MYRFL: variants seen among roughly 807,000 people sequenced by gnomAD.
The protein encoded by MYRFL is myelin regulatory factor-like protein.
A neutral mutation model predicts 109.4 loss-of-function variants in MYRFL; 88 were observed. That is an observed-to-expected ratio of 0.80 (90% CI 0.68 to 0.96). MYRFL has a LOEUF of 0.96. Among genes scored for constraint, MYRFL ranks in the 40% least tolerant of loss-of-function variants. The pLI is 0.00. For synonymous variants in MYRFL, 324 were observed against 320.9 expected (o/e 1.01, Z -0.10); for missense variants, 957 against 954.9 (o/e 1.00, Z -0.03).
chr12:69,911,116 A>T (rs1406184429), intron 13 of MYRFL, among the ~76,000 whole-genome samples, 186 bp downstream of exon 13: 1 of 152,236 alleles, frequency 6.6e-6, no homozygotes, highest in Admixed American at 6.5e-5. Flanking sequence ...CATAAGCACC[A>T]AAAAGAAGTT....
intron 16 of MYRFL, among the ~76,000 whole-genome samples, chr12:69,935,198 T>TTG (rs1555258028): frequency 2.2e-4 from 34 of 151,982 alleles, no homozygotes; most frequent in African/African-American, 7.2e-4. Flanking sequence ...CAGTTTTTTT[T>TTG]TGTGTATCCT....
intron 2 of MYRFL, among the ~76,000 whole-genome samples, chr12:69,877,249 T>A (rs1402945854): frequency 6.6e-6 from 1 of 151,936 alleles, no homozygotes; most frequent in Non-Finnish European, 1.5e-5. Context: ...GCCCTCGATC[T>A]CCTGACCTCG....
chr12:69,860,779 G>A (rs1318238740), intron 2 of MYRFL, among the ~76,000 whole-genome samples: 2 of 151,184 alleles, frequency 1.3e-5, no homozygotes, highest in Non-Finnish European at 2.9e-5. Flanking sequence ...TAGGGCACAT[G>A]TGCACAATGT....
intron 19 of MYRFL, among the ~76,000 whole-genome samples, chr12:69,940,076 C>T (rs10879059): frequency 0.2 from 29,228 of 149,382 alleles, 3,442 homozygotes; most frequent in East Asian, 0.46. Flanking sequence ...CTACGTCTGA[C>T]TGGTGTACCT....
intron 6 of MYRFL, among the ~76,000 whole-genome samples, chr12:69,889,114 A>G (rs1886635668): frequency 6.6e-6 from 1 of 152,048 alleles, no homozygotes; most frequent in African/African-American, 2.4e-5. Flanking sequence ...TGTGTTATTC[A>G]TTATAATAGC....
At chr12:69,844,766 A>T (rs548343222) in intron 1 of MYRFL, among the ~76,000 whole-genome samples, 1 of 152,182 alleles carries the variant, frequency 6.6e-6, no homozygotes, top group Non-Finnish European at 1.5e-5. Flanking sequence ...ATAAGATCAC[A>T]TAAGCAAAGT....
intron 1 of MYRFL, among the ~76,000 whole-genome samples, chr12:69,845,237 C>G (rs56919118): frequency 0.015 from 2,352 of 152,238 alleles, 54 homozygotes; most frequent in African/African-American, 0.051. Context: ...CCTCCTTTCC[C>G]TCCCTTAGAA....
rs151210389 is a variant in MYRFL at position 69,910,615 on chromosome 12, C to G, written c.1493-206C>G. Among the ~76,000 whole-genome samples the G allele has an allele frequency of 1.2e-3, 175 of 148,642 alleles. 1 individual carries two copies. The highest frequency in any genetic ancestry group is 4.2e-3 in the African/African-American group (169 of 39,956). On this transcript the variant is annotated intron_variant, in intron 12 of 24. Transcript: ENST00000552032. ...GGGATTTTAAGGCACTTACCTCCCC[C>G]CTGTTGGCCCAGAGTCTCAAAAAAA...
At chr12:69,866,417 T>C (rs1885020043) in intron 2 of MYRFL, among the ~76,000 whole-genome samples, 3 of 152,178 alleles carry the variant, frequency 2.0e-5, no homozygotes, top group Admixed American at 2.0e-4. Context: ...ATTAGATCTG[T>C]ACAACCTGTT....
At chr12:69,940,501 C>A (rs1245540080) in intron 19 of MYRFL, among the ~76,000 whole-genome samples, 1 of 150,092 alleles carries the variant, frequency 6.7e-6, no homozygotes, top group East Asian at 2.0e-4. Context: ...CAAGCAAATG[C>A]TGAGAGATTT....
Position 69,893,837 on chromosome 12 carries a change from TTAAG to T in MYRFL, c.980+2_980+5del, listed in dbSNP as rs1887057341. 2.2e-6 allele frequency: 3 copies of T among 1,351,402 alleles called. No individual in the cohort carries two copies. Among genetic ancestry groups the T allele is most frequent in the Non-Finnish European group, 2.9e-6 (3 of 1,049,324 alleles). 83.7% of individuals were successfully genotyped at this position (1,351,402 alleles called of 1,614,324 possible). A position where few individuals can be genotyped will look rare whatever the true frequency, so the allele number is the denominator to read the frequency against. ...AGGAGCAAAAAGATTTTCAATCCTG[TTAAG>T]TAAGAATTTATTTTCTGAATTCCTT... On this transcript the variant is annotated splice_donor_variant and coding_sequence_variant, in exon 8 of 25. Transcript: ENST00000552032. LOFTEE classifies it high-confidence loss of function.
At chr12:69,850,346 A>G (rs1228483287) in intron 1 of MYRFL, among the ~76,000 whole-genome samples, 2 of 151,922 alleles carry the variant, frequency 1.3e-5, no homozygotes, top group African/African-American at 2.4e-5. Flanking sequence ...TATATGCACT[A>G]TTTTAATAAA....
chr12:69,926,295 A>G (rs1421289305), intron 13 of MYRFL, among the ~76,000 whole-genome samples: 1 of 152,062 alleles, frequency 6.6e-6, no homozygotes, highest in Non-Finnish European at 1.5e-5. Flanking sequence ...TCAATTCCAG[A>G]TTTGCCAATG....
chr12:69,846,696 C>T (rs566822032), intron 1 of MYRFL, among the ~76,000 whole-genome samples: 36 of 152,258 alleles, frequency 2.4e-4, no homozygotes, highest in Non-Finnish European at 3.1e-4. Flanking sequence ...GATTTATGGT[C>T]CTTTGGGTAT....
intron 14 of MYRFL, 58 bp downstream of exon 14, chr12:69,926,792 C>T: frequency 1.9e-5 from 25 of 1,307,772 alleles, no homozygotes; most frequent in Non-Finnish European, 2.4e-5. Flanking sequence ...GAGCTCTTTC[C>T]AGAATAAGAT....
At chr12:69,920,988 T>C (rs1388479513) in intron 13 of MYRFL, among the ~76,000 whole-genome samples, 1 of 152,196 alleles carries the variant, frequency 6.6e-6, no homozygotes, top group Non-Finnish European at 1.5e-5. Flanking sequence ...CACAATCTCA[T>C]TAGAAAATTT....
At chr12:69,918,225 G>T (rs1954809764) in intron 13 of MYRFL, among the ~76,000 whole-genome samples, 1 of 152,180 alleles carries the variant, frequency 6.6e-6, no homozygotes, top group African/African-American at 2.4e-5. Context: ...GGCTTCATGT[G>T]CCCTCGCATC....
chr12:69,893,681 G>A, intron 7 of MYRFL, 83 bp from the exon 8 acceptor site: 1 of 855,724 alleles, frequency 1.2e-6, no homozygotes, highest in Non-Finnish European at 1.6e-6. Context: ...GCCTTGAAAA[G>A]CTTTTTAAGT....
At chr12:69,840,257 A>T (rs534112039) in intron 1 of MYRFL, among the ~76,000 whole-genome samples, 1 of 152,260 alleles carries the variant, frequency 6.6e-6, no homozygotes, top group African/African-American at 2.4e-5. Flanking sequence ...TATTTTTCCG[A>T]ATTACAAATA....
Sources: gnomAD v4.1 joint callset for allele counts (sites outside exome capture counted in the v4.1 genomes callset) on GRCh38, gnomAD v4.1.1 for gene constraint, MANE v1.5 for transcripts, NCBI Gene and HGNC (gene_info 2026-07-23, HGNC 2026-07-21) for gene names.